SLC37A3: variants seen among roughly 807,000 people sequenced by gnomAD.
The protein encoded by SLC37A3 is sugar phosphate exchanger 3.
In SLC37A3, 51 loss-of-function variants were observed where a neutral mutation model predicts 67.1. That is an observed-to-expected ratio of 0.76 (90% CI 0.61 to 0.96). The LOEUF (loss-of-function observed/expected upper bound fraction) is 0.96. Among genes scored for constraint, SLC37A3 ranks in the 40% least tolerant of loss-of-function variants. SLC37A3 has a pLI of 0.00. For synonymous variants in SLC37A3, 214 were observed against 231.4 expected (o/e 0.92, Z 0.68); for missense variants, 508 against 603.0 (o/e 0.84, Z 1.65).
chr7:140,342,555 T>G (rs781367082), intron 13 of SLC37A3, among the ~76,000 whole-genome samples: 7 of 152,180 alleles, frequency 4.6e-5, no homozygotes, highest in Non-Finnish European at 1.0e-4. Flanking sequence ...TACAGATGAC[T>G]CTCAGATCCA....
chr7:140,382,400 G>A (rs754511001), intron 2 of SLC37A3, 38 bp downstream of exon 2: 1 of 1,584,962 alleles, frequency 6.3e-7, no homozygotes, highest in Non-Finnish European at 8.7e-7. Flanking sequence ...AAAGAAAAAA[G>A]AAAAAAAGCA....
rs566652795 is a variant in SLC37A3, at chr7:140,346,881, T to G, written c.1025-911A>C. ...TGAACCCAGGAGGCTGAGGCTACAG[T>G]GAGCTGTATTGTGCCACTGCACTCT... On this transcript the variant is annotated intron_variant, in intron 10 of 14. Coordinates refer to ENST00000326232, the MANE Select transcript of SLC37A3 (RefSeq NM_207113.3). 8.6e-5 allele frequency among the ~76,000 whole-genome samples: 13 copies of G among 151,520 alleles called. No homozygotes were observed. The East Asian group carries it at 2.4e-3, about 28-fold the overall frequency.
At chr7:140,374,200 A>T (rs946775424) in intron 3 of SLC37A3, among the ~76,000 whole-genome samples, 2 of 152,174 alleles carry the variant, frequency 1.3e-5, no homozygotes, top group East Asian at 3.9e-4. Context: ...TTACAGAAAG[A>T]AATTTTGATT....
At chr7:140,348,553 C>T in intron 10 of SLC37A3, 73 bp downstream of exon 10, 1 of 1,494,120 alleles carries the variant, frequency 6.7e-7, no homozygotes, top group Non-Finnish European at 8.9e-7. Flanking sequence ...TAAATGAGGC[C>T]AGATTTCACA....
At chr7:140,374,445 T>A (rs1353305835) in intron 3 of SLC37A3, among the ~76,000 whole-genome samples, 1 of 148,886 alleles carries the variant, frequency 6.7e-6, no homozygotes, top group Non-Finnish European at 1.5e-5. Context: ...TGCAGTAAGC[T>A]GAGATCGCGC....
At chr7:140,382,771 T>TAA (rs201844351) in intron 1 of SLC37A3, among the ~76,000 whole-genome samples, 175 bp from the exon 2 acceptor site, 15 of 136,808 alleles carry the variant, frequency 1.1e-4, no homozygotes, top group South Asian at 4.6e-4. Context: ...AGGTAGTTCT[T>TAA]AAAAAAAAAA....
chr7:140,337,100 A>AC (rs1796167233), intron 14 of SLC37A3, among the ~76,000 whole-genome samples, 184 bp downstream of exon 14: 1 of 142,232 alleles, frequency 7.0e-6, no homozygotes, highest in African/African-American at 2.6e-5. Flanking sequence ...CTCTGCCTCA[A>AC]AAAAAAAAAA....
Position 140,333,919 on chromosome 7 carries a change from T to G in SLC37A3, c.*1493A>C, listed in dbSNP as rs566348109. ...AAGCAAGAGGTTGAAAAATATCCCC[T>G]AACCGAATGCAAATTAGGTATCCCT... On this transcript the variant is annotated 3_prime_UTR_variant, in exon 15 of 15. Coordinates refer to ENST00000326232, the MANE Select transcript of SLC37A3 (RefSeq NM_207113.3). The G allele has an allele frequency of 1.2e-3, 178 of 152,752 alleles. 2 individuals carry two copies. The highest frequency in any genetic ancestry group is 3.9e-3 in the African/African-American group (161 of 41,572). The allele number at this position is 152,752 out of a possible 1,614,324, so 9.5% of individuals were successfully genotyped here. A position where few individuals can be genotyped will look rare whatever the true frequency, so the allele number is the denominator to read the frequency against.
intron 4 of SLC37A3, among the ~76,000 whole-genome samples, chr7:140,368,700 C>A (rs1374927016): frequency 6.6e-6 from 1 of 152,178 alleles, no homozygotes; most frequent in African/African-American, 2.4e-5. Context: ...ATCTGGGCAG[C>A]AGAGGTCAAA....
At position 140,397,131 on chromosome 7, in the gene SLC37A3, C is replaced by T. The variant is rs1161296436; in HGVS notation, c.-71+1285G>A. The stretch of plus-strand genomic sequence containing the variant: ...AGGAGAATCACTTGAACCCGGGAGG[C>T]GGAGGTTGCAGTGAGCCGAGATGGT... On this transcript the variant is annotated intron_variant, in intron 1 of 14. Transcript: ENST00000326232. Among the ~76,000 whole-genome samples, 12 of 143,508 alleles carry T rather than the reference C, an allele frequency of 8.4e-5. No homozygotes were observed. In the South Asian group the frequency reaches 2.6e-3, roughly 31 times the overall value. 94.1% of individuals were successfully genotyped at this position (143,508 alleles called of 152,430 possible).
At position 140,370,164 on chromosome 7, in the gene SLC37A3, T is replaced by C. The variant is rs141448527; in HGVS notation, c.199-482A>G. Among the ~76,000 whole-genome samples, 61 of 146,766 alleles carry C rather than the reference T, an allele frequency of 4.2e-4. 1 individual carries two copies. The highest frequency in any genetic ancestry group is 1.5e-3 in the African/African-American group (60 of 40,538). On this transcript the variant is annotated intron_variant, in intron 3 of 14. Transcript: ENST00000326232. ...GAAATAACTAGTTTTTTTTTTTGCT[T>C]TTATTATTTTTAATTGACACATAGT...
chr7:140,346,379 C>T (rs958457138), intron 10 of SLC37A3, among the ~76,000 whole-genome samples: 2 of 148,914 alleles, frequency 1.3e-5, no homozygotes, highest in African/African-American at 2.5e-5. Flanking sequence ...GACTCTGTCT[C>T]AAAAAAAAAT....
intron 3 of SLC37A3, among the ~76,000 whole-genome samples, chr7:140,370,930 G>T (rs561632869): frequency 6.6e-6 from 1 of 152,062 alleles, no homozygotes. Context: ...CATAGAAAAC[G>T]ATCTTTGTAT....
At chr7:140,371,857 T>G (rs1000606050) in intron 3 of SLC37A3, among the ~76,000 whole-genome samples, 63 of 148,310 alleles carry the variant, frequency 4.2e-4, no homozygotes, top group African/African-American at 1.4e-3. Flanking sequence ...TTACAGAACT[T>G]TTTTTTTTTT....
At chr7:140,346,929 C>T (rs1339847986) in intron 10 of SLC37A3, among the ~76,000 whole-genome samples, 7 of 151,758 alleles carry the variant, frequency 4.6e-5, no homozygotes, top group African/African-American at 1.7e-4. Context: ...AGAGCAAGAC[C>T]GTGTCTCAAA....
At chr7:140,341,070 G>C (rs1046503588) in intron 13 of SLC37A3, among the ~76,000 whole-genome samples, 8 of 152,098 alleles carry the variant, frequency 5.3e-5, no homozygotes, top group African/African-American at 1.9e-4. Flanking sequence ...TAAGTAGTTG[G>C]GACAGGCACA....
At chr7:140,346,108 G>A (rs150436280) in intron 10 of SLC37A3, 138 bp from the exon 11 acceptor site, 20,228 of 645,476 alleles carry the variant, frequency 0.031, 391 homozygotes, top group Non-Finnish European at 0.034. Context: ...GGCCGGGCTC[G>A]GTGGCTCACA....
chr7:140,355,624 AC>A, intron 7 of SLC37A3, 43 bp downstream of exon 7: 12 of 1,516,772 alleles, frequency 7.9e-6, no homozygotes, highest in Non-Finnish European at 1.1e-5. Context: ...ACATGTGCAC[AC>A]AGAGAGAGAG....
chr7:140,389,505 T>C (rs1165962774), intron 1 of SLC37A3, among the ~76,000 whole-genome samples: 4 of 152,082 alleles, frequency 2.6e-5, no homozygotes, highest in Non-Finnish European at 5.9e-5. Flanking sequence ...TTTTAAAAAC[T>C]CTGATCCCCG....
Sources: allele counts gnomAD v4.1 joint callset (sites outside exome capture counted in the v4.1 genomes callset), GRCh38; gene constraint gnomAD v4.1.1; transcripts MANE v1.5; gene names NCBI Gene and HGNC (gene_info 2026-07-23, HGNC 2026-07-21).